Variants in ZBTB44 observed in about 807,000 individuals in gnomAD.
The protein encoded by ZBTB44 is zinc finger and BTB domain-containing protein 44.
ZBTB44 carries 15 observed loss-of-function variants against 54.0 expected under a neutral mutation model. That is an observed-to-expected ratio of 0.28 (90% CI 0.19 to 0.43). The LOEUF is 0.43. Ranked by LOEUF, ZBTB44 falls within the 20% of genes least tolerant of loss-of-function variation. ZBTB44 has a pLI of 1.00. For synonymous variants in ZBTB44, 230 were observed against 250.1 expected (o/e 0.92, Z 0.76); for missense variants, 487 against 707.1 (o/e 0.69, Z 3.53).
At chr11:130,241,004 A>G (rs1954338984) in intron 2 of ZBTB44, among the ~76,000 whole-genome samples, 1 of 152,226 alleles carries the variant, frequency 6.6e-6, no homozygotes, top group Non-Finnish European at 1.5e-5. Flanking sequence ...GGGTCATACT[A>G]TATGTATTCT....
chr11:130,271,344 A>AT (rs1939656580), intron 1 of ZBTB44, among the ~76,000 whole-genome samples: 1 of 152,212 alleles, frequency 6.6e-6, no homozygotes, highest in African/African-American at 2.4e-5. Flanking sequence ...CAAAAAAACT[A>AT]TAAACTCATG....
In ZBTB44 at chr11:130,239,839, G is replaced by A. The variant is rs1190929133; in HGVS notation, c.1076C>T (p.Thr359Ile). The change falls in exon 3 of 8, where the codon ACT becomes ATT. Residue 359 changes from threonine to isoleucine, a missense_variant. Physicochemically the swap from Thr to Ile is moderately conservative, Grantham distance 89. This residue lies in a region of ZBTB44 where 277 missense variants were observed against 306.5 expected (regional missense o/e 0.90). Coordinates refer to ENST00000357899, the MANE Select transcript of ZBTB44 (RefSeq NM_001301098.2). ...GLPTLQSTSS[T>I]NAPPDDDDRL... The stretch of plus-strand genomic sequence containing the variant: ...ATCATCATCATCCGGAGGAGCATTA[G>A]TGCTAGACGTGCTTTGAAGTGTAGG... 1.2e-6 allele frequency: 2 copies of A among 1,612,498 alleles called. No homozygotes were observed. Among genetic ancestry groups the A allele is most frequent in the African/African-American group, 2.7e-5 (2 of 74,874 alleles).
chr11:130,283,328 G>A (rs890940665), intron 1 of ZBTB44, among the ~76,000 whole-genome samples: 10 of 152,010 alleles, frequency 6.6e-5, no homozygotes, highest in African/African-American at 2.4e-4. Flanking sequence ...TTACAGGCAT[G>A]AGCCACCGTG....
intron 1 of ZBTB44, among the ~76,000 whole-genome samples, chr11:130,279,192 T>C (rs910485459): frequency 1.3e-5 from 2 of 152,012 alleles, no homozygotes; most frequent in African/African-American, 4.8e-5. Flanking sequence ...GCCTTGGATG[T>C]TGATCCACAG....
At chr11:130,262,539 A>G (rs760756217) in intron 1 of ZBTB44, among the ~76,000 whole-genome samples, 3 of 152,190 alleles carry the variant, frequency 2.0e-5, no homozygotes, top group Non-Finnish European at 4.4e-5. Flanking sequence ...GAAATGCTTC[A>G]CATTTAATAG....
intron 1 of ZBTB44, among the ~76,000 whole-genome samples, chr11:130,288,861 C>A (rs1941132647): frequency 6.6e-6 from 1 of 150,526 alleles, no homozygotes; most frequent in South Asian, 2.1e-4. Context: ...CACACCACTG[C>A]ACTCCAGCGT....
intron 1 of ZBTB44, chr11:130,310,366 CCAGGTCAGAAACAGAG>C (rs1424432334): frequency 6.6e-6 from 1 of 151,794 alleles, no homozygotes; most frequent in African/African-American, 2.4e-5. Context: ...GAGAAGTGGC[CCAGGTCAGAAACAGAG>C]CAGGTCAAAA....
At chr11:130,265,956 C>A (rs570104163) in intron 1 of ZBTB44, among the ~76,000 whole-genome samples, 1 of 152,226 alleles carries the variant, frequency 6.6e-6, no homozygotes, top group Non-Finnish European at 1.5e-5. Context: ...TAGTTAAGAT[C>A]ATTGACGAAG....
intron 2 of ZBTB44, among the ~76,000 whole-genome samples, chr11:130,259,021 G>A (rs1229140704): frequency 6.6e-6 from 1 of 152,130 alleles, no homozygotes; most frequent in Non-Finnish European, 1.5e-5. Context: ...ACTTACAAGG[G>A]ATGTGAAAGA....
intron 2 of ZBTB44, among the ~76,000 whole-genome samples, chr11:130,250,835 A>C (rs1272584266): frequency 5.9e-5 from 9 of 152,250 alleles, no homozygotes; most frequent in African/African-American, 1.9e-4. Flanking sequence ...GAAGATGAGG[A>C]AAAACCAGCA....
At chr11:130,292,924 T>C (rs1279612927) in intron 1 of ZBTB44, among the ~76,000 whole-genome samples, 1 of 152,216 alleles carries the variant, frequency 6.6e-6, no homozygotes, top group South Asian at 2.1e-4. Flanking sequence ...CAGTACCTCA[T>C]ATTTTATATT....
At position 130,296,812 on chromosome 11, in the gene ZBTB44, A is replaced by G. The variant is rs80248112; in HGVS notation, c.-57+17563T>C. ...GCATATAAGTCATACATATGAGGTT[A>G]TGATTCCCATTCTCTGAAACAGATC... On this transcript the variant is annotated intron_variant, in intron 1 of 7. Coordinates refer to ENST00000357899, the MANE Select transcript of ZBTB44 (RefSeq NM_001301098.2). 1.2e-3 allele frequency: 912 copies of G among 750,550 alleles called. 11 individuals are homozygous for G. In the East Asian group the frequency reaches 0.021, roughly 17 times the overall value. 46.5% of individuals were successfully genotyped at this position (750,550 alleles called of 1,614,324 possible).
intron 1 of ZBTB44, chr11:130,296,168 T>A: frequency 2.9e-6 from 4 of 1,379,340 alleles, no homozygotes; most frequent in Non-Finnish European, 4.1e-6. Flanking sequence ...GTTTTGAAGG[T>A]TGGCAAGGAT....
intron 1 of ZBTB44, among the ~76,000 whole-genome samples, chr11:130,281,643 AGAGT>A (rs2134275016): frequency 6.6e-6 from 1 of 151,932 alleles, no homozygotes; most frequent in Non-Finnish European, 1.5e-5. Context: ...CACCCCGGCT[AGAGT>A]GCAGTGGTGT....
chr11:130,250,046 C>G (rs1331619951), intron 2 of ZBTB44, among the ~76,000 whole-genome samples: 2 of 152,220 alleles, frequency 1.3e-5, no homozygotes, highest in East Asian at 1.9e-4. Flanking sequence ...GCACAGCAGT[C>G]TGAAGTTGAC....
chr11:130,261,129 C>T lies in ZBTB44; in HGVS notation c.745G>A (p.Glu249Lys). Residue 249 changes from glutamate (E) to lysine (K), a missense_variant, in exon 2 of 8, where the codon GAA becomes AAA. Transcript: ENST00000357899. The surrounding 1 kb of genome is among the most constrained non-coding windows in gnomAD (Gnocchi z 4.8). The stretch of plus-strand genomic sequence containing the variant: ...GGTAATTCTAAAGTCCGGGTATTTT[C>T]TGCTTGCTTAACTTTCTCAGGCTGA... ...RIQPEKVKQAENTRTLELPGP... is the reference protein window; with the variant it reads ...RIQPEKVKQAKNTRTLELPGP... 1 of 1,613,998 alleles carries T rather than the reference C, an allele frequency of 6.2e-7. No homozygotes were observed. Among genetic ancestry groups the T allele is most frequent in the Non-Finnish European group, 8.5e-7 (1 of 1,179,900 alleles).
At chr11:130,299,479 G>C (rs546247311) in intron 1 of ZBTB44, among the ~76,000 whole-genome samples, 3 of 152,006 alleles carry the variant, frequency 2.0e-5, no homozygotes, top group African/African-American at 7.2e-5. Context: ...CTTGAACCCA[G>C]GAGGCAGAGG....
intron 2 of ZBTB44, among the ~76,000 whole-genome samples, chr11:130,242,418 G>A (rs985162550): frequency 3.9e-5 from 6 of 152,034 alleles, no homozygotes; most frequent in Non-Finnish European, 8.8e-5. Flanking sequence ...CTCTGCCTTT[G>A]CTGTTCATTC....
At chr11:130,236,363 T>C in intron 5 of ZBTB44, 1 of 639,970 alleles carries the variant, frequency 1.6e-6, no homozygotes, top group Non-Finnish European at 2.2e-6. Flanking sequence ...CAATGGCTAT[T>C]CCTTTATATA....
Sources: gnomAD v4.1 joint callset for allele counts (sites outside exome capture counted in the v4.1 genomes callset) on GRCh38, gnomAD v4.1.1 for gene constraint, gnomAD v4.1.1 regional missense constraint, Gnocchi (gnomAD v3.1) non-coding constraint, MANE v1.5 for transcripts, NCBI Gene and HGNC (gene_info 2026-07-23, HGNC 2026-07-21) for gene names.